Variants in PLEKHM3 observed in about 807,000 individuals in gnomAD.
The protein encoded by PLEKHM3 is pleckstrin homology domain containing M3, also known as pleckstrin homology domain-containing family M member 3.
A neutral mutation model predicts 81.8 loss-of-function variants in PLEKHM3; 45 were observed. The ratio of observed to expected loss-of-function variants is 0.55; its 90% confidence interval spans 0.43 to 0.71. PLEKHM3 has a LOEUF of 0.71. Among genes scored for constraint, PLEKHM3 ranks in the 30% least tolerant of loss-of-function variants. The pLI, the probability that PLEKHM3 is intolerant of heterozygous loss-of-function variation, is 0.00. For missense variants in PLEKHM3, 788 were observed against 924.3 expected (o/e 0.85, Z 1.91); for synonymous variants, 352 against 356.4 (o/e 0.99, Z 0.14).
At chr2:207,907,781 A>G (rs1170309281) in intron 6 of PLEKHM3, among the ~76,000 whole-genome samples, 4 of 152,200 alleles carry the variant, frequency 2.6e-5, no homozygotes, top group Non-Finnish European at 4.4e-5. Context: ...CTGCTGTTTA[A>G]TTCCAGAACA....
chr2:208,013,269 G>A (rs1312233634), intron 1 of PLEKHM3, among the ~76,000 whole-genome samples: 1 of 152,190 alleles, frequency 6.6e-6, no homozygotes, highest in Non-Finnish European at 1.5e-5. Context: ...TATAATCCCA[G>A]CACTTTGGGA....
Position 207,985,913 on chromosome 2 carries a change from G to A in PLEKHM3, c.611-8327C>T, listed in dbSNP as rs181325910. Among the ~76,000 whole-genome samples, 44 of 151,682 alleles carry A rather than the reference G, an allele frequency of 2.9e-4. No homozygotes were observed. The East Asian group carries it at 6.8e-3, about 23-fold the overall frequency. On this transcript the variant is annotated intron_variant, in intron 2 of 7. Transcript: ENST00000427836. Reference sequence around the variant, plus strand: ...TGAGGCAGGAGAATGGCGTGAACCTGGGAGGTGGAGCTTGCAGTGAGCCGA... The same window carrying A: ...TGAGGCAGGAGAATGGCGTGAACCTAGGAGGTGGAGCTTGCAGTGAGCCGA...
intron 6 of PLEKHM3, among the ~76,000 whole-genome samples, chr2:207,876,327 A>G (rs1281824953): frequency 6.6e-6 from 1 of 152,242 alleles, no homozygotes; most frequent in Admixed American, 6.5e-5. Flanking sequence ...TGGCTTTAGA[A>G]GTAAACAAAC....
chr2:207,985,484 A>T (rs73064885), intron 2 of PLEKHM3, among the ~76,000 whole-genome samples: 4,937 of 152,048 alleles, frequency 0.032, 246 homozygotes, highest in African/African-American at 0.11. Flanking sequence ...GAAATGTAAA[A>T]GGAAAAAAAT....
Position 207,885,714 on chromosome 2 carries a change from T to TC in PLEKHM3, c.1950+22799dup, listed in dbSNP as rs574147927. On this transcript the variant is annotated intron_variant, in intron 6 of 7. Transcript: ENST00000427836. ...ATCTTAGTAAGTACTGTGTAAGTAT[T>TC]CCAGTTGATTGATTGCTCACAATAA... Among the ~76,000 whole-genome samples the TC allele has an allele frequency of 2.8e-3, 426 of 152,336 alleles. 3 individuals carry two copies. Among genetic ancestry groups the TC allele is most frequent in the African/African-American group, 9.8e-3 (407 of 41,578 alleles).
chr2:207,984,314 T>G (rs1691641444), intron 2 of PLEKHM3, among the ~76,000 whole-genome samples: 1 of 152,234 alleles, frequency 6.6e-6, no homozygotes, highest in African/African-American at 2.4e-5. Flanking sequence ...TATACGATAC[T>G]TTTTTCACAC....
chr2:207,880,785 A>AAAAAAAAAAAAC (rs2092586447), intron 6 of PLEKHM3, among the ~76,000 whole-genome samples: 1 of 137,154 alleles, frequency 7.3e-6, no homozygotes, highest in African/African-American at 2.7e-5. Context: ...AAAAAAAAAA[A>AAAAAAAAAAAAC]AAACCAAAAA....
chr2:207,865,261 C>T (rs2092489229), intron 6 of PLEKHM3, among the ~76,000 whole-genome samples: 2 of 152,066 alleles, frequency 1.3e-5, no homozygotes, highest in African/African-American at 4.8e-5. Context: ...TTCATTTATT[C>T]CCCCTCTTTT....
intron 3 of PLEKHM3, among the ~76,000 whole-genome samples, chr2:207,949,180 C>G (rs1039017664): frequency 2.0e-5 from 3 of 152,222 alleles, no homozygotes; most frequent in Admixed American, 6.5e-5. Context: ...CTTCTGAAAA[C>G]AGCCTTTCAT....
chr2:207,926,396 T>TCTACCGTGCCTGTGTGTGACACATC (rs1689395119), intron 5 of PLEKHM3, among the ~76,000 whole-genome samples: 1 of 152,220 alleles, frequency 6.6e-6, no homozygotes, highest in African/African-American at 2.4e-5. Flanking sequence ...GGTGACACAT[T>TCTACCGTGCCTGTGTGTGACACATC]CTACCGTGCC....
At position 207,855,680 on chromosome 2, in the gene PLEKHM3, T is replaced by C. The variant is rs78074177; in HGVS notation, c.2108+5425A>G. Among the ~76,000 whole-genome samples the C allele has an allele frequency of 1.1e-4, 17 of 152,232 alleles. No homozygotes were observed. In the East Asian group the frequency reaches 3.1e-3, roughly 28 times the overall value. On this transcript the variant is annotated intron_variant, in intron 7 of 7. Coordinates refer to ENST00000427836, the MANE Select transcript of PLEKHM3 (RefSeq NM_001080475.3). ...TGTGATGAAAATGGCACTACCTCTA[T>C]GGCCTTCCTCCCCAAACCCATAAAA...
intron 4 of PLEKHM3, among the ~76,000 whole-genome samples, chr2:207,934,768 C>A (rs556198772): frequency 6.6e-6 from 1 of 152,206 alleles, no homozygotes; most frequent in Non-Finnish European, 1.5e-5. Flanking sequence ...TAAGTAAACA[C>A]ATGTCACTTG....
intron 5 of PLEKHM3, among the ~76,000 whole-genome samples, chr2:207,912,998 C>T (rs1315319961): frequency 6.6e-6 from 1 of 152,152 alleles, no homozygotes; most frequent in African/African-American, 2.4e-5. Flanking sequence ...CAAGGGCTTT[C>T]CTCTGCTGTG....
At chr2:207,964,377 C>T (rs1193716948) in intron 3 of PLEKHM3, among the ~76,000 whole-genome samples, 1 of 152,166 alleles carries the variant, frequency 6.6e-6, no homozygotes, top group Non-Finnish European at 1.5e-5. Flanking sequence ...GATTCTAATG[C>T]AAATGATACT....
At chr2:207,927,689 G>C (rs1178757581) in intron 5 of PLEKHM3, among the ~76,000 whole-genome samples, 1 of 151,794 alleles carries the variant, frequency 6.6e-6, no homozygotes, top group East Asian at 1.9e-4. Context: ...AATTAGCCAG[G>C]CGTGGTGGCA....
intron 1 of PLEKHM3, among the ~76,000 whole-genome samples, chr2:208,007,541 A>G (rs1193633239): frequency 6.6e-6 from 1 of 152,236 alleles, no homozygotes; most frequent in East Asian, 1.9e-4. Context: ...ATAGGTTTGA[A>G]GCAAACATTA....
At chr2:207,911,675 A>G (rs1239356590) in intron 5 of PLEKHM3, among the ~76,000 whole-genome samples, 1 of 152,222 alleles carries the variant, frequency 6.6e-6, no homozygotes, top group Non-Finnish European at 1.5e-5. Context: ...TGAAAGGTAA[A>G]TGCTTAATAA....
chr2:207,854,327 T>G (rs1304455549), intron 7 of PLEKHM3, among the ~76,000 whole-genome samples: 1 of 152,160 alleles, frequency 6.6e-6, no homozygotes, highest in Non-Finnish European at 1.5e-5. Context: ...GCCACAATTA[T>G]TAATACATGG....
At chr2:207,829,185 A>T (rs915561619) in intron 7 of PLEKHM3, among the ~76,000 whole-genome samples, 14 of 152,352 alleles carry the variant, frequency 9.2e-5, no homozygotes, top group African/African-American at 3.4e-4. Context: ...TGTAGAGAGC[A>T]AACATTCCAG....
Sources: gnomAD v4.1 joint callset for allele counts (sites outside exome capture counted in the v4.1 genomes callset) on GRCh38, gnomAD v4.1.1 for gene constraint, MANE v1.5 for transcripts, NCBI Gene and HGNC (gene_info 2026-07-23, HGNC 2026-07-21) for gene names.